The following LINGO2 variants were observed in gnomAD, a reference collection of about 807,000 sequenced individuals.
The protein encoded by LINGO2 is leucine-rich repeat and immunoglobulin-like domain-containing nogo receptor-interacting protein 2.
In LINGO2, 14 loss-of-function variants were observed where a neutral mutation model predicts 30.6. The observed-to-expected ratio is 0.46, with a 90% CI of 0.30 to 0.72. The LOEUF is 0.72. LINGO2 is among the 30% of genes least tolerant of loss of function. LINGO2 has a pLI of 0.07. For synonymous variants in LINGO2, 317 were observed against 288.5 expected (o/e 1.10, Z -1.00); for missense variants, 729 against 751.7 (o/e 0.97, Z 0.35).
At position 28,341,659 on chromosome 9, in the gene LINGO2, A is replaced by T. The variant is rs868857487; in HGVS notation, c.-246+31177T>A. Among the ~76,000 whole-genome samples, 97 of 152,298 alleles carry T rather than the reference A, an allele frequency of 6.4e-4. 2 individuals carry two copies. In the Middle Eastern group the frequency reaches 0.017, roughly 27 times the overall value. ...ATAGTTATTAAGCTTATGAAACTTT[A>T]CCTATTACAAAACCCTTTTTCAAAA... On this transcript the variant is annotated intron_variant, in intron 3 of 5. Transcript: ENST00000379992.
intron 4 of LINGO2, among the ~76,000 whole-genome samples, chr9:28,167,669 G>A (rs1828470143): frequency 6.6e-6 from 1 of 152,212 alleles, no homozygotes; most frequent in African/African-American, 2.4e-5. Context: ...TTACAGGTGT[G>A]AGCCACTGCA....
intron 3 of LINGO2, among the ~76,000 whole-genome samples, chr9:28,319,392 G>T (rs1824957104): frequency 6.6e-6 from 1 of 152,168 alleles, no homozygotes; most frequent in African/African-American, 2.4e-5. Context: ...AGACCACTCA[G>T]ATAATTCAGG....
At chr9:28,193,500 A>G (rs1415270440) in intron 4 of LINGO2, among the ~76,000 whole-genome samples, 1 of 152,182 alleles carries the variant, frequency 6.6e-6, no homozygotes, top group Admixed American at 6.5e-5. Flanking sequence ...CTACATCAAG[A>G]CTCATAAAGA....
Position 28,055,990 on chromosome 9 carries a change from A to C in LINGO2, c.-86-43585T>G, listed in dbSNP as rs73643290. ...ACTATTGTTACTACTTGAGACCTTC[A>C]TTATGAGACGAAAAGAAAGAACATA... On this transcript the variant is annotated intron_variant, in intron 4 of 5. Coordinates refer to ENST00000379992, the Ensembl canonical transcript of LINGO2. Among the ~76,000 whole-genome samples the C allele has an allele frequency of 5.3e-3, 810 of 152,284 alleles. 9 individuals carry two copies. The highest frequency in any genetic ancestry group is 0.019 in the African/African-American group (781 of 41,552).
chr9:28,785,678 ACACACACG>A, the LINGO2 span, among the ~76,000 whole-genome samples: 295 of 69,218 alleles, frequency 4.3e-3, 2 homozygotes, highest in African/African-American at 0.011. Context: ...CCACAAACAC[ACACACACG>A]CACACACACA....
chr9:28,487,047 A>G (rs1307790189), intron 1 of LINGO2, among the ~76,000 whole-genome samples: 1 of 152,162 alleles, frequency 6.6e-6, no homozygotes, highest in Admixed American at 6.6e-5. Context: ...CCATATATAG[A>G]GTAAACCATA....
intron 1 of LINGO2, chr9:28,599,241 C>T (rs895769307): frequency 3.3e-5 from 5 of 152,190 alleles, no homozygotes; most frequent in Admixed American, 2.0e-4. Context: ...AGAACTGCTC[C>T]ATCCTGAAGG....
At chr9:28,445,490 G>A (rs1240856164) in intron 2 of LINGO2, among the ~76,000 whole-genome samples, 1 of 152,194 alleles carries the variant, frequency 6.6e-6, no homozygotes, top group Non-Finnish European at 1.5e-5. Flanking sequence ...AAATAGCTAT[G>A]TACACAGTAG....
intron 1 of LINGO2, among the ~76,000 whole-genome samples, chr9:28,654,255 G>A (rs1828238819): frequency 6.6e-6 from 1 of 152,066 alleles, no homozygotes; most frequent in African/African-American, 2.4e-5. Flanking sequence ...AAATGCATGG[G>A]TCATCCAAAT....
At chr9:28,029,511 G>A (rs1823555852) in intron 4 of LINGO2, among the ~76,000 whole-genome samples, 1 of 152,174 alleles carries the variant, frequency 6.6e-6, no homozygotes, top group African/African-American at 2.4e-5. Context: ...GGCAGGTGGG[G>A]AAATTTACCA....
At chr9:28,869,727 G>C in the LINGO2 span, among the ~76,000 whole-genome samples, 4 of 151,868 alleles carry the variant, frequency 2.6e-5, no homozygotes, top group Non-Finnish European at 5.9e-5. Flanking sequence ...ATCAATAGGT[G>C]ATCAATAGGT....
the LINGO2 span, among the ~76,000 whole-genome samples, chr9:29,203,758 C>T: frequency 2.0e-5 from 3 of 152,192 alleles, no homozygotes; most frequent in African/African-American, 7.2e-5. Context: ...CCACACAGCA[C>T]TTAGTCTCAC....
intron 1 of LINGO2, among the ~76,000 whole-genome samples, chr9:28,483,582 A>G (rs796830984): frequency 6.6e-6 from 1 of 151,998 alleles, no homozygotes; most frequent in African/African-American, 2.4e-5. Flanking sequence ...TGTAACTAGG[A>G]TGGTAGCTTG....
chr9:28,975,438 T>A, the LINGO2 span, among the ~76,000 whole-genome samples: 1 of 152,122 alleles, frequency 6.6e-6, no homozygotes, highest in African/African-American at 2.4e-5. Context: ...CTTTTAATAT[T>A]AGAAAAGAAG....
chr9:28,417,990 T>G (rs1056266738), intron 2 of LINGO2, among the ~76,000 whole-genome samples: 1 of 152,182 alleles, frequency 6.6e-6, no homozygotes, highest in Non-Finnish European at 1.5e-5. Flanking sequence ...GACTGAACTA[T>G]CATTCTTAGA....
the LINGO2 span, among the ~76,000 whole-genome samples, chr9:28,994,519 T>C: frequency 5.9e-5 from 9 of 151,288 alleles, no homozygotes; most frequent in Non-Finnish European, 8.8e-5. Flanking sequence ...AAAAAACTAC[T>C]TTAAAGTTCA....
chr9:28,983,599 T>C, the LINGO2 span, among the ~76,000 whole-genome samples: 6 of 151,786 alleles, frequency 4.0e-5, no homozygotes, highest in East Asian at 1.9e-4. Flanking sequence ...GAACGGATCC[T>C]CAAAATAATA....
the LINGO2 span, among the ~76,000 whole-genome samples, chr9:29,142,080 C>G: frequency 2.0e-5 from 3 of 151,762 alleles, no homozygotes; most frequent in Non-Finnish European, 4.4e-5. Flanking sequence ...ACAGAATATT[C>G]CACCCAATGG....
At chr9:28,419,277 G>A (rs1239160051) in intron 2 of LINGO2, among the ~76,000 whole-genome samples, 1 of 152,022 alleles carries the variant, frequency 6.6e-6, no homozygotes, top group Non-Finnish European at 1.5e-5. Flanking sequence ...AAAACTTCTT[G>A]AATTTTTGTT....
Sources: allele counts gnomAD v4.1 joint callset (sites outside exome capture counted in the v4.1 genomes callset), GRCh38; gene constraint gnomAD v4.1.1; transcripts MANE v1.5; gene names NCBI Gene and HGNC (gene_info 2026-07-23, HGNC 2026-07-21).